Variants in TAFA5 observed in about 807,000 individuals in gnomAD.
TAFA5 encodes chemokine-like protein TAFA-5.
Under a neutral mutation model 15.3 loss-of-function variants are expected in TAFA5, and 6 were observed. The ratio of observed to expected loss-of-function variants is 0.39; its 90% CI spans 0.21 to 0.77. The LOEUF (loss-of-function observed/expected upper bound fraction) is 0.77, where lower values mean the gene tolerates loss of function less well. Among genes scored for constraint, TAFA5 ranks in the 30% least tolerant of loss-of-function variants. The pLI is 0.41. For missense variants in TAFA5, 161 were observed against 193.1 expected (o/e 0.83, Z 0.98); for synonymous variants, 103 against 80.7 (o/e 1.28, Z -1.48).
intron 1 of TAFA5, among the ~76,000 whole-genome samples, chr22:48,591,034 T>C (rs1214840437): frequency 6.6e-6 from 1 of 152,174 alleles, no homozygotes; most frequent in African/African-American, 2.4e-5. Flanking sequence ...GTATTTTTAG[T>C]AGAGATGGGG....
At chr22:48,601,194 G>A (rs1480959058) in intron 1 of TAFA5, among the ~76,000 whole-genome samples, 2 of 152,216 alleles carry the variant, frequency 1.3e-5, no homozygotes, top group Non-Finnish European at 2.9e-5. Context: ...GGTGTGTGTA[G>A]GACTCGGTAT....
At chr22:48,645,828 AGT>A (rs1926839886) in intron 1 of TAFA5, among the ~76,000 whole-genome samples, 1 of 152,080 alleles carries the variant, frequency 6.6e-6, no homozygotes, top group Admixed American at 6.5e-5. Flanking sequence ...CCCTGGCCTT[AGT>A]GTGCTCACAC....
intron 1 of TAFA5, among the ~76,000 whole-genome samples, chr22:48,613,470 T>C (rs1925485880): frequency 6.6e-6 from 1 of 152,196 alleles, no homozygotes; most frequent in Non-Finnish European, 1.5e-5. Flanking sequence ...CCCCACTCTG[T>C]TTGTCCTTCT....
intron 2 of TAFA5, among the ~76,000 whole-genome samples, chr22:48,671,590 G>A (rs1051218737): frequency 2.0e-5 from 3 of 152,186 alleles, no homozygotes; most frequent in African/African-American, 7.2e-5. Context: ...AGTGTCTGGA[G>A]AGGAACCTGC....
intron 1 of TAFA5, among the ~76,000 whole-genome samples, chr22:48,583,538 C>T: frequency 6.6e-6 from 1 of 150,440 alleles, no homozygotes; most frequent in Non-Finnish European, 1.5e-5. Context: ...ATACCACACA[C>T]CACATACAAA....
intron 1 of TAFA5, among the ~76,000 whole-genome samples, chr22:48,593,126 C>T (rs888067998): frequency 3.3e-5 from 5 of 152,196 alleles, no homozygotes; most frequent in African/African-American, 9.6e-5. Flanking sequence ...CCCAAAGTCA[C>T]GTCCGCGAAC....
intron 2 of TAFA5, among the ~76,000 whole-genome samples, chr22:48,688,058 T>C (rs1312631623): frequency 6.6e-6 from 1 of 151,702 alleles, no homozygotes; most frequent in Non-Finnish European, 1.5e-5. Flanking sequence ...AACAGGTAGC[T>C]TATTACAGTT....
intron 1 of TAFA5, among the ~76,000 whole-genome samples, chr22:48,584,421 C>G (rs1924247149): frequency 6.7e-6 from 1 of 150,252 alleles, no homozygotes; most frequent in African/African-American, 2.5e-5. Flanking sequence ...ACATGGCACA[C>G]AAAATATACT....
At chr22:48,630,186 C>A (rs1926166088) in intron 1 of TAFA5, among the ~76,000 whole-genome samples, 1 of 151,524 alleles carries the variant, frequency 6.6e-6, no homozygotes, top group African/African-American at 2.4e-5. Context: ...TGGGAGGCTG[C>A]AAATTCCAGA....
intron 2 of TAFA5, among the ~76,000 whole-genome samples, chr22:48,674,811 GCA>G (rs1421085700): frequency 2.0e-5 from 3 of 152,196 alleles, no homozygotes; most frequent in African/African-American, 2.4e-5. Context: ...CTGGCCCGAT[GCA>G]CAGTTTTATC....
intron 1 of TAFA5, among the ~76,000 whole-genome samples, chr22:48,645,311 C>G (rs1781900652): frequency 1.3e-5 from 2 of 152,094 alleles, no homozygotes; most frequent in South Asian, 2.1e-4. Flanking sequence ...TAATATTTGG[C>G]TGTGATTGGT....
chr22:48,717,666 C>T (rs1337679633), intron 3 of TAFA5, among the ~76,000 whole-genome samples: 2 of 152,234 alleles, frequency 1.3e-5, no homozygotes, highest in Admixed American at 6.5e-5. Flanking sequence ...CGTTCTCTGT[C>T]GGGCACTGCA....
chr22:48,723,191 A>G (rs1380237716), intron 3 of TAFA5, among the ~76,000 whole-genome samples: 1 of 152,236 alleles, frequency 6.6e-6, no homozygotes, highest in Non-Finnish European at 1.5e-5. Context: ...AGCAGCACAC[A>G]GGATACCGGG....
chr22:48,585,746 C>T (rs533741363), intron 1 of TAFA5, among the ~76,000 whole-genome samples: 3 of 151,724 alleles, frequency 2.0e-5, no homozygotes, highest in Non-Finnish European at 4.4e-5. Context: ...ACATACACCA[C>T]ATACGCATAC....
At chr22:48,720,739 C>T (rs945250728) in intron 3 of TAFA5, among the ~76,000 whole-genome samples, 8 of 147,816 alleles carry the variant, frequency 5.4e-5, no homozygotes, top group African/African-American at 1.7e-4. Flanking sequence ...ACCACGCTGG[C>T]ACCTGGGCAC....
At chr22:48,537,321 G>A (rs555470232) in intron 1 of TAFA5, among the ~76,000 whole-genome samples, 36 of 152,214 alleles carry the variant, frequency 2.4e-4, no homozygotes, top group Non-Finnish European at 4.7e-4. Context: ...AGGCAAGATC[G>A]TCATCGTCTG....
At chr22:48,735,168 G>A (rs971331909) in intron 3 of TAFA5, among the ~76,000 whole-genome samples, 3 of 152,170 alleles carry the variant, frequency 2.0e-5, no homozygotes, top group East Asian at 3.9e-4. Context: ...GCTAAGTAAC[G>A]TCCTGAAGAC....
intron 1 of TAFA5, among the ~76,000 whole-genome samples, chr22:48,514,646 A>G (rs1051571718): frequency 2.0e-5 from 3 of 152,108 alleles, no homozygotes; most frequent in African/African-American, 4.8e-5. Context: ...TCCCCCACTC[A>G]TGCCAGCCAG....
At chr22:48,609,751 A>G (rs1925330470) in intron 1 of TAFA5, among the ~76,000 whole-genome samples, 1 of 152,170 alleles carries the variant, frequency 6.6e-6, no homozygotes, top group Admixed American at 6.5e-5. Context: ...GGGGTCTGGC[A>G]TCAGGGCCCC....
Sources: allele counts gnomAD v4.1 joint callset (sites outside exome capture counted in the v4.1 genomes callset), GRCh38; gene constraint gnomAD v4.1.1; transcripts MANE v1.5; gene names NCBI Gene and HGNC (gene_info 2026-07-23, HGNC 2026-07-21).